The following DCX variants were observed in gnomAD, a reference collection of about 807,000 sequenced individuals.
DCX encodes the protein doublecortin, also known as neuronal migration protein doublecortin.
Under a neutral mutation model 20.9 loss-of-function variants are expected in DCX, and 4 were observed. That is an observed-to-expected ratio of 0.19 (90% CI 0.09 to 0.44). The LOEUF (loss-of-function observed/expected upper bound fraction) is 0.44, where lower values mean the gene tolerates loss of function less well. DCX is among the 20% of genes least tolerant of loss of function. DCX has a pLI of 0.99. For synonymous variants in DCX, 103 were observed against 111.4 expected (o/e 0.92, Z 0.47); for missense variants, 133 against 296.9 (o/e 0.45, Z 4.06).
intron 2 of DCX, among the ~76,000 whole-genome samples, chrX:111,403,051 G>A (rs1927935341): frequency 9.0e-6 from 1 of 111,037 alleles, no homozygotes; most frequent in Non-Finnish European, 1.9e-5. Context: ...CCCAACCCAA[G>A]TAATTATAGG....
chrX:111,329,127 T>C (rs181895575), intron 5 of DCX, among the ~76,000 whole-genome samples: 2 of 112,146 alleles, frequency 1.8e-5, no homozygotes, highest in Admixed American at 1.9e-4. Flanking sequence ...TTTTTTGCAA[T>C]TCTCTGCTTA....
rs780157418 is a variant in DCX at position 111,335,531 on chromosome X, T to C, written c.706-2378A>G. Among the ~76,000 whole-genome samples, 474 of 112,337 alleles carry C rather than the reference T, an allele frequency of 4.2e-3. 1 individual carries two copies. The highest frequency in any genetic ancestry group is 6.9e-3 in the Non-Finnish European group (366 of 53,250). On this transcript the variant is annotated intron_variant, in intron 3 of 6. Coordinates refer to ENST00000636035, the MANE Select transcript of DCX (RefSeq NM_001195553.2). ...CAACGGAGATTAGCATTTAGAGACT[T>C]TAAAAGGCAACACAAATATACAAAT...
chrX:111,333,335 A>C (rs1235515573), intron 3 of DCX, among the ~76,000 whole-genome samples, 182 bp from the exon 4 acceptor site: 1 of 111,822 alleles, frequency 8.9e-6, no homozygotes, highest in Non-Finnish European at 1.9e-5. Flanking sequence ...GAGGGATGAT[A>C]TACTGAGTAC....
At chrX:111,322,709 G>A (rs2095089437) in intron 5 of DCX, among the ~76,000 whole-genome samples, 1 of 112,030 alleles carries the variant, frequency 8.9e-6, no homozygotes, top group African/African-American at 3.2e-5. Flanking sequence ...AAAAGCTTTT[G>A]TCCCTCTCCC....
At chrX:111,316,651 T>C (rs1050069120) in intron 5 of DCX, among the ~76,000 whole-genome samples, 13 of 111,686 alleles carry the variant, frequency 1.2e-4, no homozygotes, top group Non-Finnish European at 7.5e-5. Context: ...CTGTAGGTGA[T>C]ATGATTCTAT....
chrX:111,307,327 C>CAT (rs952734506), intron 6 of DCX, among the ~76,000 whole-genome samples: 2 of 106,097 alleles, frequency 1.9e-5, no homozygotes, highest in African/African-American at 6.9e-5. Flanking sequence ...TGATATATAC[C>CAT]ATATATACAC....
intron 3 of DCX, among the ~76,000 whole-genome samples, chrX:111,375,519 T>C (rs148879091): frequency 7.2e-4 from 80 of 111,687 alleles, no homozygotes; most frequent in African/African-American, 2.6e-3. Context: ...TAAGGCTTCT[T>C]GATGGTTAAG....
chrX:111,331,048 C>A lies in DCX; in HGVS notation c.809-7G>T, dbSNP rs777318582. 16 of 1,208,410 alleles carry A rather than the reference C, an allele frequency of 1.3e-5. No individual in the cohort carries two copies. The highest frequency in any genetic ancestry group is 1.8e-5 in the South Asian group (1 of 56,743). ...CCCTTCATGACTCGGCATTCTGGGG[C>A]AAAAGGACACAGACAGCTTAGTAGA... On this transcript the variant is annotated splice_region_variant and splice_polypyrimidine_tract_variant and intron_variant, in intron 4 of 6. Transcript: ENST00000636035.
chrX:111,399,567 G>C (rs1927609092), intron 3 of DCX, among the ~76,000 whole-genome samples: 1 of 111,902 alleles, frequency 8.9e-6, no homozygotes, highest in Admixed American at 9.5e-5. Flanking sequence ...TGATTGTAGA[G>C]GATATCCATG....
intron 3 of DCX, among the ~76,000 whole-genome samples, chrX:111,391,719 C>A (rs1926968783): frequency 9.0e-6 from 1 of 111,377 alleles, no homozygotes; most frequent in Non-Finnish European, 1.9e-5. Flanking sequence ...CAAGTGTCCC[C>A]TGGACAGCAA....
chrX:111,352,413 T>A (rs1452627917), intron 3 of DCX, among the ~76,000 whole-genome samples: 4 of 112,449 alleles, frequency 3.6e-5, no homozygotes, highest in Non-Finnish European at 7.5e-5. Flanking sequence ...GCTTCTGGGC[T>A]AAGGCAGAAT....
At chrX:111,352,644 C>A (rs1923404647) in intron 3 of DCX, among the ~76,000 whole-genome samples, 1 of 111,849 alleles carries the variant, frequency 8.9e-6, no homozygotes, top group African/African-American at 3.3e-5. Flanking sequence ...GGTTTCAGTA[C>A]AACACTGCTG....
intron 6 of DCX, among the ~76,000 whole-genome samples, chrX:111,311,789 C>G (rs1353033129): frequency 8.9e-6 from 1 of 112,671 alleles, no homozygotes; most frequent in Non-Finnish European, 1.9e-5. Flanking sequence ...CTCTGACCAT[C>G]TCTGATTCTG....
intron 3 of DCX, among the ~76,000 whole-genome samples, chrX:111,355,263 T>G (rs1453852528): frequency 1.8e-5 from 2 of 111,464 alleles, no homozygotes; most frequent in African/African-American, 6.5e-5. Context: ...TTGCTACATT[T>G]TTAGGATCAT....
At chrX:111,379,846 T>A (rs1490617097) in intron 3 of DCX, among the ~76,000 whole-genome samples, 1 of 111,477 alleles carries the variant, frequency 9.0e-6, no homozygotes, top group East Asian at 2.8e-4. Context: ...TTCTTTTTTT[T>A]AACTTCCTTG....
chrX:111,388,867 C>T (rs1926726169), intron 3 of DCX, among the ~76,000 whole-genome samples: 1 of 112,031 alleles, frequency 8.9e-6, no homozygotes, highest in Non-Finnish European at 1.9e-5. Flanking sequence ...AGAGCACACA[C>T]TTGGACTAAG....
chrX:111,410,545 G>T (rs867771786), intron 1 of DCX, 125 bp from the exon 2 acceptor site: 6 of 1,001,717 alleles, frequency 6.0e-6, no homozygotes, highest in African/African-American at 5.8e-5. Flanking sequence ...CTTGTGAAAA[G>T]AACTGGTTGA....
chrX:111,310,967 AAG>A (rs990156826), intron 6 of DCX, among the ~76,000 whole-genome samples: 2 of 112,303 alleles, frequency 1.8e-5, no homozygotes, highest in Non-Finnish European at 1.9e-5. Flanking sequence ...ACAAATGTCC[AAG>A]CTGCCTTCAC....
At chrX:111,342,950 C>A (rs1023584406) in intron 3 of DCX, among the ~76,000 whole-genome samples, 1 of 110,999 alleles carries the variant, frequency 9.0e-6, no homozygotes, top group African/African-American at 3.3e-5. Context: ...ACTAAATGCC[C>A]ACATCAGAAA....
Sources: allele counts gnomAD v4.1 joint callset (sites outside exome capture counted in the v4.1 genomes callset), GRCh38; gene constraint gnomAD v4.1.1; transcripts MANE v1.5; gene names NCBI Gene and HGNC (gene_info 2026-07-23, HGNC 2026-07-21).